Variants in PTPRK observed in about 807,000 individuals in gnomAD.
The protein encoded by PTPRK is protein tyrosine phosphatase receptor type K.
PTPRK carries 75 observed loss-of-function variants against 178.0 expected under a neutral mutation model. That is an observed-to-expected ratio of 0.42 (90% CI 0.35 to 0.51). PTPRK has a LOEUF of 0.51. Among genes scored for constraint, PTPRK ranks in the 20% least tolerant of loss-of-function variants. PTPRK has a pLI of 0.02. For synonymous variants in PTPRK, 637 were observed against 620.6 expected, an observed-to-expected ratio of 1.03 and a Z score of -0.39; for missense variants, 1,441 against 1,797.8, an observed-to-expected ratio of 0.80 and a Z score of 3.59.
chr6:128,458,029 T>C (rs892636806), intron 1 of PTPRK, among the ~76,000 whole-genome samples: 2 of 152,138 alleles, frequency 1.3e-5, no homozygotes, highest in African/African-American at 4.8e-5. Flanking sequence ...AATATACAAA[T>C]AGTAGAGAAG....
At chr6:127,972,884 T>C in intron 29 of PTPRK, 138 bp downstream of exon 29, 1 of 767,356 alleles carries the variant, frequency 1.3e-6, no homozygotes, top group Non-Finnish European at 2.1e-6. Flanking sequence ...CAGCAATGTA[T>C]TAATTAGGCA....
chr6:128,298,384 C>A (rs1824892632), intron 3 of PTPRK, among the ~76,000 whole-genome samples: 1 of 151,276 alleles, frequency 6.6e-6, no homozygotes, highest in South Asian at 2.1e-4. Context: ...TTTTATGAGG[C>A]CAGCATCATC....
In PTPRK at chr6:128,107,134, T is replaced by G. The variant is rs566513555; in HGVS notation, c.1163-17142A>C. Among the ~76,000 whole-genome samples the G allele has an allele frequency of 3.4e-4, 52 of 152,202 alleles. 1 individual carries two copies. In the South Asian group the frequency reaches 5.2e-3, roughly 15 times the overall value. On this transcript the variant is annotated intron_variant, in intron 7 of 29. Transcript: ENST00000368226. ...ACCAAAATTAAGCAATCCATGTAATTATACTTCAACAACTGATGCTACTCA... is the reference window on the plus strand; with the variant it reads ...ACCAAAATTAAGCAATCCATGTAATGATACTTCAACAACTGATGCTACTCA...
At chr6:128,520,201 C>T in intron 1 of PTPRK, 58 bp downstream of exon 1, 1 of 1,446,440 alleles carries the variant, frequency 6.9e-7, no homozygotes, top group Non-Finnish European at 9.4e-7. Context: ...GGACCTGGCT[C>T]ACCCCTCGTG....
chr6:128,348,573 C>T (rs1832719435), intron 2 of PTPRK, among the ~76,000 whole-genome samples: 1 of 151,906 alleles, frequency 6.6e-6, no homozygotes, highest in Non-Finnish European at 1.5e-5. Flanking sequence ...AATGACAATC[C>T]GTTTCCTTTT....
intron 3 of PTPRK, among the ~76,000 whole-genome samples, chr6:128,287,980 T>C (rs1187168248): frequency 1.3e-5 from 2 of 152,206 alleles, no homozygotes; most frequent in Non-Finnish European, 2.9e-5. Context: ...CTACCTACTT[T>C]CTATTTTTTA....
chr6:128,455,905 A>C (rs1410976503), intron 1 of PTPRK, among the ~76,000 whole-genome samples: 1 of 152,076 alleles, frequency 6.6e-6, no homozygotes, highest in African/African-American at 2.4e-5. Context: ...TGAACACCTA[A>C]TTTAGGAACA....
At chr6:128,279,216 A>G (rs1422998843) in intron 3 of PTPRK, among the ~76,000 whole-genome samples, 3 of 151,576 alleles carry the variant, frequency 2.0e-5, no homozygotes, top group Middle Eastern at 3.2e-3. Flanking sequence ...TTAAATTAAA[A>G]AAAAAAAAAA....
intron 2 of PTPRK, among the ~76,000 whole-genome samples, chr6:128,330,930 A>G (rs1470615533): frequency 6.6e-6 from 1 of 152,148 alleles, no homozygotes; most frequent in Non-Finnish European, 1.5e-5. Flanking sequence ...TGCTTGTCTC[A>G]GTCTCCATGC....
At chr6:128,085,903 G>A (rs1785717456) in intron 8 of PTPRK, among the ~76,000 whole-genome samples, 1 of 152,322 alleles carries the variant, frequency 6.6e-6, no homozygotes, top group East Asian at 1.9e-4. Flanking sequence ...AACAGGTGAG[G>A]TGAGGTGTGA....
chr6:128,061,868 C>A (rs1207501190), intron 13 of PTPRK, among the ~76,000 whole-genome samples: 1 of 152,242 alleles, frequency 6.6e-6, no homozygotes, highest in East Asian at 1.9e-4. Context: ...TTGGGAAATA[C>A]TTTACCTATC....
intron 9 of PTPRK, among the ~76,000 whole-genome samples, chr6:128,082,899 C>A (rs1785073698): frequency 6.6e-6 from 1 of 151,914 alleles, no homozygotes; most frequent in African/African-American, 2.4e-5. Context: ...ATCAAAAAAA[C>A]CACAATAAAT....
At chr6:128,369,139 T>TATCCTGAAAGTACATTTATACACTGA (rs1835923499) in intron 2 of PTPRK, among the ~76,000 whole-genome samples, 5 of 151,806 alleles carry the variant, frequency 3.3e-5, no homozygotes, top group Admixed American at 3.3e-4. Flanking sequence ...GGGAAAGAGG[T>TATCCTGAAAGTACATTTATACACTGA]TATTTCCCCA....
chr6:128,444,842 C>A (rs1180457170), intron 1 of PTPRK, among the ~76,000 whole-genome samples: 1 of 152,112 alleles, frequency 6.6e-6, no homozygotes, highest in South Asian at 2.1e-4. Flanking sequence ...AGGATTTTCA[C>A]ACACCATTTA....
rs1269017659 is a variant in PTPRK, at chr6:128,508,121, T to C, written c.100+12138A>G. Among the ~76,000 whole-genome samples, 2 of 152,132 alleles carry C rather than the reference T, an allele frequency of 1.3e-5. 1 individual carries two copies. The highest frequency in any genetic ancestry group is 4.8e-5 in the African/African-American group (2 of 41,432). On this transcript the variant is annotated intron_variant, in intron 1 of 29. Transcript: ENST00000368226. ...CACATCTCAGGAGTATGGTCAGTTA[T>C]AAAATATATGGTCAGTTACCAACAA...
intron 3 of PTPRK, among the ~76,000 whole-genome samples, chr6:128,262,103 C>T (rs1417198070): frequency 1.3e-5 from 2 of 152,126 alleles, no homozygotes; most frequent in African/African-American, 4.8e-5. Context: ...CTTGGTATTA[C>T]AGTCAAATAT....
chr6:128,297,747 G>A (rs1282346942), intron 3 of PTPRK, among the ~76,000 whole-genome samples: 2 of 152,130 alleles, frequency 1.3e-5, no homozygotes, highest in African/African-American at 4.8e-5. Flanking sequence ...GAAATTTATA[G>A]CACTAAATGC....
chr6:128,435,121 GC>G, intron 1 of PTPRK, among the ~76,000 whole-genome samples: 2 of 117,300 alleles, frequency 1.7e-5, no homozygotes, highest in African/African-American at 9.1e-5. Flanking sequence ...AGGAAGGCAG[GC>G]AGGAAGGCAG....
intron 1 of PTPRK, among the ~76,000 whole-genome samples, chr6:128,461,818 C>T (rs1452306034): frequency 6.6e-6 from 1 of 152,188 alleles, no homozygotes; most frequent in Non-Finnish European, 1.5e-5. Context: ...ACCTGTTCTA[C>T]ACATTTCATA....
Sources: allele counts gnomAD v4.1 joint callset (sites outside exome capture counted in the v4.1 genomes callset), GRCh38; gene constraint gnomAD v4.1.1; transcripts MANE v1.5; gene names NCBI Gene and HGNC (gene_info 2026-07-23, HGNC 2026-07-21).